SNX1: variants seen among roughly 807,000 people sequenced by gnomAD.
SNX1 encodes sorting nexin 1.
SNX1 carries 36 observed loss-of-function variants against 71.8 expected under a neutral mutation model. The observed-to-expected ratio is 0.50, with a 90% CI of 0.38 to 0.66. The LOEUF (loss-of-function observed/expected upper bound fraction) is 0.66, where lower values mean the gene tolerates loss of function less well. SNX1 is among the 30% of genes least tolerant of loss of function. The probability of loss-of-function intolerance (pLI) is 0.00; values close to 1 mark genes in which losing one functional copy is unlikely to be tolerated. For missense variants in SNX1, 612 were observed against 646.7 expected (o/e 0.95, Z 0.58); for synonymous variants, 254 against 240.7 (o/e 1.06, Z -0.51).
intron 4 of SNX1, among the ~76,000 whole-genome samples, chr15:64,122,137 T>A (rs750018366): frequency 1.3e-5 from 2 of 152,238 alleles, no homozygotes; most frequent in Non-Finnish European, 2.9e-5. Context: ...TTCTGTTTTC[T>A]CTGTGTTTGC....
chr15:64,115,015 T>C (rs2081114380), intron 2 of SNX1, among the ~76,000 whole-genome samples: 1 of 152,158 alleles, frequency 6.6e-6, no homozygotes, highest in African/African-American at 2.4e-5. Flanking sequence ...AGAAGTGATA[T>C]GAAGGCAAAT....
chr15:64,110,397 T>A (rs928155831), intron 1 of SNX1, among the ~76,000 whole-genome samples: 1 of 152,084 alleles, frequency 6.6e-6, no homozygotes, highest in Non-Finnish European at 1.5e-5. Flanking sequence ...AATCACAGTT[T>A]GGGTTTGTTT....
At chr15:64,122,980 A>G (rs928647169) in intron 4 of SNX1, among the ~76,000 whole-genome samples, 5 of 152,290 alleles carry the variant, frequency 3.3e-5, no homozygotes, top group African/African-American at 1.2e-4. Flanking sequence ...TAGATCAGAG[A>G]GGTCAGTGTC....
intron 12 of SNX1, among the ~76,000 whole-genome samples, chr15:64,135,757 C>CAA (rs573541153): frequency 0.57 from 61,786 of 108,308 alleles, 20,097 homozygotes; most frequent in East Asian, 0.8. Context: ...GACTCTGTCT[C>CAA]AAAAAAAAAA....
chr15:64,110,566 T>TA (rs890466716), intron 1 of SNX1, among the ~76,000 whole-genome samples: 10 of 152,192 alleles, frequency 6.6e-5, no homozygotes, highest in Non-Finnish European at 1.2e-4. Context: ...CAGGCTACTT[T>TA]AAAAAAAATT....
At position 64,096,040 on chromosome 15, in the gene SNX1, C is replaced by T. The variant is rs777522910; in HGVS notation, c.27C>T (p.Ser9=). 2 of 1,594,008 alleles carry T rather than the reference C, an allele frequency of 1.3e-6. No individual in the cohort carries two copies. The highest frequency in any genetic ancestry group is 1.1e-5 in the South Asian group (1 of 88,596). ...TGGCGTCGGGTGGTGGTGGCTGTAG[C>T]GCTTCGGAGAGACTGCCTCCGCCCT... MASGGGGC[S]ASERLPPPFP... The change falls in exon 1 of 15, where the codon AGC becomes AGT. Residue 9 remains serine, a synonymous_variant. Coordinates refer to ENST00000559844, the MANE Select transcript of SNX1 (RefSeq NM_003099.5).
chr15:64,132,690 A>G (rs2081319250), intron 11 of SNX1, among the ~76,000 whole-genome samples: 1 of 152,156 alleles, frequency 6.6e-6, no homozygotes, highest in Admixed American at 6.5e-5. Context: ...TGAGCCTCAG[A>G]GTTAGAACAG....
At chr15:64,119,748 A>ACG (rs2081174903) in intron 4 of SNX1, among the ~76,000 whole-genome samples, 1 of 151,106 alleles carries the variant, frequency 6.6e-6, no homozygotes, top group African/African-American at 2.4e-5. Context: ...ACACACACAC[A>ACG]CACACAAAAA....
In SNX1 at chr15:64,134,719, C is replaced by T. The variant is rs759013539; in HGVS notation, c.1277C>T (p.Thr426Ile). 8 of 1,613,878 alleles carry T rather than the reference C, an allele frequency of 5.0e-6. No individual in the cohort carries two copies. The South Asian group carries it at 8.8e-5, about 18-fold the overall frequency. Reference protein sequence around the residue: ...TWQRWQDAQATLQKKREAEAR... With the variant: ...TWQRWQDAQAILQKKREAEAR... ...CAGCGCTGGCAGGATGCCCAAGCCA[C>T]ACTGCAGAAGAAGCGGGAGGCCGAG... The change falls in exon 12 of 15, where the codon ACA becomes ATA. Residue 426 changes from threonine (T) to isoleucine (I), a missense_variant. This residue lies in a region of SNX1 where 296 missense variants were observed against 361.9 expected (regional missense o/e 0.82). Transcript: ENST00000559844. This position sits in a 1 kb window ranked among gnomAD's most constrained non-coding sequence, Gnocchi z 4.1.
intron 2 of SNX1, 31 bp from the exon 3 acceptor site, chr15:64,118,086 C>T: frequency 6.2e-7 from 1 of 1,607,400 alleles, no homozygotes; most frequent in Non-Finnish European, 8.5e-7. Context: ...TCATTACTGA[C>T]CTTCATTTTA....
rs2081377532 is a variant in SNX1, at chr15:64,137,980, T to G, written c.*362T>G. On this transcript the variant is annotated 3_prime_UTR_variant, in exon 15 of 15. Coordinates refer to ENST00000559844, the MANE Select transcript of SNX1 (RefSeq NM_003099.5). ...ACTCCTGATGGTGCCATGAAAAGGT[T>G]ATGTAATAAAATATTTTAAAATCAG... 1.4e-6 allele frequency: 2 copies of G among 1,460,634 alleles called. No individual in the cohort carries two copies. The highest frequency in any genetic ancestry group is 1.8e-6 in the Non-Finnish European group (2 of 1,114,450). The allele number at this position is 1,460,634 out of a possible 1,614,324, so 90.5% of individuals were successfully genotyped here. A position where few individuals can be genotyped will look rare whatever the true frequency, so the allele number is the denominator to read the frequency against.
At chr15:64,100,392 G>A (rs150645473) in intron 1 of SNX1, among the ~76,000 whole-genome samples, 1,565 of 152,104 alleles carry the variant, frequency 0.01, 14 homozygotes, top group Middle Eastern at 0.017. Context: ...ACAAGGGCAG[G>A]AGTTCTAGAC....
rs1206654268 is a variant in SNX1, at chr15:64,118,156, A to T, written c.311A>T (p.Asn104Ile). 6.2e-7 allele frequency: 1 copy of T among 1,612,040 alleles called. No individual in the cohort carries two copies. Residue 104 changes from asparagine (N) to isoleucine (I), a missense_variant, in exon 3 of 15, where the codon AAT becomes ATT. Physicochemically the swap from Asn to Ile is moderately radical, Grantham distance 149. Around this residue, in one of 2 missense-constraint regions of SNX1, gnomAD observed 316 missense variants for 284.9 expected, o/e 1.11. Coordinates refer to ENST00000559844, the MANE Select transcript of SNX1 (RefSeq NM_003099.5). ...VELSLDSTQN[N>I]QKKVLAKTLI... ...CTATCCTTGGACAGCACACAAAATA[A>T]TCAGAAGAAGGTGCTAGCCAAAACA... is the stretch of plus-strand genomic sequence containing the variant.
chr15:64,131,747 A>G lies in SNX1; in HGVS notation c.1076A>G (p.Asp359Gly). Residue 359 changes from aspartate to glycine, a missense_variant, in exon 11 of 15, where the codon GAC becomes GGC. Asp to Gly is a moderately conservative substitution (Grantham distance 94). Around this residue, in one of 2 missense-constraint regions of SNX1, gnomAD observed 296 missense variants for 361.9 expected, o/e 0.82. Transcript: ENST00000559844. The stretch of plus-strand genomic sequence containing the variant: ...CTAGCCATGCTTGGGAGCTCTGAGG[A>G]CAACACGGCATTGTCACGGGCACTC... ...KSLAMLGSSE[D>G]NTALSRALSQ... 5 of 1,614,154 alleles carry G rather than the reference A, an allele frequency of 3.1e-6. No homozygotes were observed. The highest frequency in any genetic ancestry group is 1.1e-5 in the South Asian group (1 of 91,078).
At chr15:64,128,322 TAAAC>T (rs2081274162) in intron 8 of SNX1, among the ~76,000 whole-genome samples, 1 of 152,240 alleles carries the variant, frequency 6.6e-6, no homozygotes, top group South Asian at 2.1e-4. Flanking sequence ...ATTCTCATCA[TAAAC>T]AAAGTATACA....
At chr15:64,131,134 A>G (rs1567331133) in intron 10 of SNX1, among the ~76,000 whole-genome samples, 1 of 152,274 alleles carries the variant, frequency 6.6e-6, no homozygotes, top group Non-Finnish European at 1.5e-5. Flanking sequence ...AATAGAAAAA[A>G]TTAGCCAGGT....
chr15:64,131,626 C>G (rs56047366), intron 10 of SNX1, 61 bp from the exon 11 acceptor site: 9 of 1,536,168 alleles, frequency 5.9e-6, no homozygotes, highest in Middle Eastern at 2.2e-4. Context: ...GCAGTGTCAG[C>G]TGATTTGTCC....
In SNX1 at chr15:64,096,181, G is replaced by C; in HGVS notation, c.159+9G>C. On this transcript the variant is annotated intron_variant, in intron 1 of 14. Coordinates refer to ENST00000559844, the MANE Select transcript of SNX1 (RefSeq NM_003099.5). ...CCGGCGCCGCGGTGGTCGTGAGTTT[G>C]CACCCCTCGGGGTAGCAGGCGGGAG... 6.5e-7 allele frequency: 1 copy of C among 1,549,072 alleles called. No individual in the cohort carries two copies. The highest frequency in any genetic ancestry group is 8.7e-7 in the Non-Finnish European group (1 of 1,146,672).
Position 64,118,793 on chromosome 15 carries a change from G to C in SNX1, c.405G>C (p.Glu135Asp). 1 of 1,612,326 alleles carries C rather than the reference G, an allele frequency of 6.2e-7. No individual in the cohort carries two copies. The highest frequency in any genetic ancestry group is 8.5e-7 in the Non-Finnish European group (1 of 1,178,930). ...TTTGTCTTTTCTTGAAAAAGCTAGAGGAAGAAGAACAGGAGGATCAATTTG... is the reference window on the plus strand; with the variant it reads ...TTTGTCTTTTCTTGAAAAAGCTAGACGAAGAAGAACAGGAGGATCAATTTG... ...SKPQPTYEEL[E>D]EEEQEDQFDL... The change falls in exon 4 of 15, where the codon GAG (glutamate) becomes GAC (aspartate). Residue 135 changes from glutamate (E) to aspartate (D), a missense_variant. Physicochemically the swap from Glu to Asp is conservative, Grantham distance 45. Coordinates refer to ENST00000559844, the MANE Select transcript of SNX1 (RefSeq NM_003099.5).
Sources: allele counts gnomAD v4.1 joint callset (sites outside exome capture counted in the v4.1 genomes callset), GRCh38; gene constraint gnomAD v4.1.1; regional missense constraint gnomAD v4.1.1; non-coding constraint Gnocchi (gnomAD v3.1); transcripts MANE v1.5; gene names NCBI Gene and HGNC (gene_info 2026-07-23, HGNC 2026-07-21).